Variants in SLC35D2 observed in about 807,000 individuals in gnomAD.
SLC35D2 encodes the protein nucleotide sugar transporter SLC35D2.
SLC35D2 carries 43 observed loss-of-function variants against 41.8 expected under a neutral mutation model. The ratio of observed to expected loss-of-function variants is 1.03; its 90% CI spans 0.81 to 1.33. The LOEUF (loss-of-function observed/expected upper bound fraction) is 1.33. Among genes scored for constraint, SLC35D2 ranks in the 40% most tolerant of loss-of-function variants. The pLI, the probability that SLC35D2 is intolerant of heterozygous loss-of-function variation, is 0.00. For synonymous variants in SLC35D2, 150 were observed against 163.9 expected (o/e 0.92, Z 0.65); for missense variants, 380 against 408.4 (o/e 0.93, Z 0.60).
At chr9:96,370,985 T>C (rs796947566) in intron 1 of SLC35D2, among the ~76,000 whole-genome samples, 9 of 152,276 alleles carry the variant, frequency 5.9e-5, no homozygotes, top group African/African-American at 2.2e-4. Context: ...GAAAATGGAA[T>C]GACCAACACC....
intron 9 of SLC35D2, among the ~76,000 whole-genome samples, chr9:96,331,056 C>A (rs1301398994): frequency 6.6e-6 from 1 of 152,208 alleles, no homozygotes; most frequent in East Asian, 1.9e-4. Context: ...CACTACCACG[C>A]CCCGCTGATT....
At chr9:96,380,614 T>C (rs905247332) in intron 1 of SLC35D2, among the ~76,000 whole-genome samples, 2 of 151,790 alleles carry the variant, frequency 1.3e-5, no homozygotes, top group Non-Finnish European at 2.9e-5. Context: ...TGCACCACCA[T>C]GCCCAGCTAG....
At chr9:96,375,817 T>C (rs1830923835) in intron 1 of SLC35D2, among the ~76,000 whole-genome samples, 1 of 150,704 alleles carries the variant, frequency 6.6e-6, no homozygotes, top group South Asian at 2.1e-4. Flanking sequence ...CAGGAGTTTG[T>C]GACCAGCCTG....
intron 5 of SLC35D2, 136 bp downstream of exon 5, chr9:96,351,902 C>G: frequency 2.0e-6 from 1 of 509,930 alleles, no homozygotes; most frequent in Non-Finnish European, 3.5e-6. Flanking sequence ...ATCACAGAAG[C>G]ACAAAACTAC....
chr9:96,329,198 T>C (rs530684209), intron 9 of SLC35D2, among the ~76,000 whole-genome samples: 7 of 151,954 alleles, frequency 4.6e-5, no homozygotes, highest in South Asian at 2.1e-4. Context: ...CATATACATA[T>C]ATACTTTTAT....
intron 9 of SLC35D2, among the ~76,000 whole-genome samples, chr9:96,329,177 A>G (rs910478198): frequency 6.6e-6 from 1 of 151,952 alleles, no homozygotes; most frequent in South Asian, 2.1e-4. Flanking sequence ...ATTTACATAT[A>G]TACACACACA....
In SLC35D2 at chr9:96,376,485, T is replaced by C. The variant is rs185711030; in HGVS notation, c.158+6992A>G. On this transcript the variant is annotated intron_variant, in intron 1 of 11. Transcript: ENST00000253270. The stretch of plus-strand genomic sequence containing the variant: ...TTAGCCAGGCATGGTGGCGGGTGCC[T>C]GTAATCCCAGCTACTTGGGAGGCTG... Among the ~76,000 whole-genome samples, 348 of 152,114 alleles carry C rather than the reference T, an allele frequency of 2.3e-3. 2 individuals are homozygous for C. The highest frequency in any genetic ancestry group is 0.017 in the Middle Eastern group (5 of 294).
At chr9:96,320,034 A>G (rs1232050179), downstream of SLC35D2, among the ~76,000 whole-genome samples, 1 of 152,030 alleles carries the variant, frequency 6.6e-6, no homozygotes, top group African/African-American at 2.4e-5. Context: ...TCTATCCCGC[A>G]CTCCAGTTCC....
intron 2 of SLC35D2, among the ~76,000 whole-genome samples, chr9:96,366,508 T>A (rs912678131): frequency 6.7e-6 from 1 of 148,740 alleles, no homozygotes; most frequent in Non-Finnish European, 1.5e-5. Context: ...AAAGGACACC[T>A]TATCACTGAT....
intron 9 of SLC35D2, among the ~76,000 whole-genome samples, 174 bp from the exon 10 acceptor site, chr9:96,324,343 A>C (rs1188276810): frequency 1.3e-5 from 2 of 152,338 alleles, no homozygotes; most frequent in African/African-American, 4.8e-5. Context: ...GTCTTATGAC[A>C]GGAAAATGGT....
chr9:96,324,943 T>C (rs745569434), intron 9 of SLC35D2, among the ~76,000 whole-genome samples: 1 of 152,130 alleles, frequency 6.6e-6, no homozygotes, highest in African/African-American at 2.4e-5. Flanking sequence ...CCGTGCACGA[T>C]ATGAAAGATC....
At position 96,383,460 on chromosome 9, in the gene SLC35D2, C is replaced by T; in HGVS notation, c.158+17G>A. ...CCCGCACTCCCGCAGACCCCCCGGC[C>T]CCGGGCCCCGCCTCACCCGTAGGTG... On this transcript the variant is annotated intron_variant, in intron 1 of 11. Coordinates refer to ENST00000253270, the MANE Select transcript of SLC35D2 (RefSeq NM_007001.3). 6.6e-7 allele frequency: 1 copy of T among 1,521,784 alleles called. No individual in the cohort carries two copies. The highest frequency in any genetic ancestry group is 1.4e-5 in the African/African-American group (1 of 69,936). The allele number at this position is 1,521,784 out of a possible 1,614,324, so 94.3% of individuals were successfully genotyped here. A position where few individuals can be genotyped will look rare whatever the true frequency, so the allele number is the denominator to read the frequency against.
At chr9:96,345,676 A>G (rs10990657) in intron 6 of SLC35D2, among the ~76,000 whole-genome samples, 9,140 of 152,254 alleles carry the variant, frequency 0.06, 948 homozygotes, top group African/African-American at 0.21. Context: ...TAGCTGATGA[A>G]TCCACATAAT....
chr9:96,353,686 T>C (rs891035220), intron 4 of SLC35D2, among the ~76,000 whole-genome samples: 3 of 152,226 alleles, frequency 2.0e-5, no homozygotes, highest in Non-Finnish European at 2.9e-5. Flanking sequence ...AGGTAGATTA[T>C]GGGTGATTTT....
downstream of SLC35D2, among the ~76,000 whole-genome samples, chr9:96,316,966 G>A (rs1828066954): frequency 6.6e-6 from 1 of 151,976 alleles, no homozygotes; most frequent in South Asian, 2.1e-4. Context: ...GTGAAACCCC[G>A]TCTCTACTAA....
chr9:96,361,125 T>C lies in SLC35D2; in HGVS notation c.280-904A>G, dbSNP rs139938403. On this transcript the variant is annotated intron_variant, in intron 3 of 11. Coordinates refer to ENST00000253270, the MANE Select transcript of SLC35D2 (RefSeq NM_007001.3). ...TCAGGCACGTTTGTCAGAAGGTGAA[T>C]TGGTATAGCCACCATGAAGAACAGT... Among the ~76,000 whole-genome samples the C allele has an allele frequency of 5.3e-3, 810 of 152,278 alleles. 3 individuals carry two copies. The highest frequency in any genetic ancestry group is 7.1e-3 in the Non-Finnish European group (484 of 68,016).
intron 2 of SLC35D2, among the ~76,000 whole-genome samples, chr9:96,367,243 T>C (rs934875110): frequency 7.2e-6 from 1 of 138,630 alleles, no homozygotes; most frequent in African/African-American, 2.7e-5. Flanking sequence ...AAAAAAAGAA[T>C]AATGTTTACT....
downstream of SLC35D2, among the ~76,000 whole-genome samples, chr9:96,319,116 G>A (rs4743721): frequency 0.66 from 99,683 of 152,140 alleles, 33,902 homozygotes; most frequent in African/African-American, 0.85. Context: ...GAAGCAAGCC[G>A]AGTGTCCATC....
At chr9:96,315,486 T>A (rs1354938466) in intron 11 of SLC35D2, among the ~76,000 whole-genome samples, 1 of 146,254 alleles carries the variant, frequency 6.8e-6, no homozygotes, top group Non-Finnish European at 1.5e-5. Context: ...CAGGCTGGAG[T>A]GCAGTGGCGC....
Sources: gnomAD v4.1 joint callset for allele counts (sites outside exome capture counted in the v4.1 genomes callset) on GRCh38, gnomAD v4.1.1 for gene constraint, MANE v1.5 for transcripts, NCBI Gene and HGNC (gene_info 2026-07-23, HGNC 2026-07-21) for gene names.